The following PRKG1 variants were observed in gnomAD, a reference collection of about 807,000 sequenced individuals.
PRKG1 encodes the protein cGMP-dependent protein kinase 1.
A neutral mutation model predicts 88.1 loss-of-function variants in PRKG1; 35 were observed. The observed-to-expected ratio is 0.40, with a 90% CI of 0.30 to 0.53. The LOEUF is 0.53. Ranked by LOEUF, PRKG1 falls within the 20% of genes least tolerant of loss-of-function variation. The pLI is 0.59. For synonymous variants in PRKG1, 303 were observed against 292.5 expected, an observed-to-expected ratio of 1.04 and a Z score of -0.37; for missense variants, 540 against 839.8, an observed-to-expected ratio of 0.64 and a Z score of 4.41.
chr10:51,185,296 C>T (rs148906911), intron 2 of PRKG1, among the ~76,000 whole-genome samples: 3 of 152,092 alleles, frequency 2.0e-5, no homozygotes, highest in African/African-American at 7.2e-5. Flanking sequence ...ATTAAGTCTG[C>T]AATAAGTTAT....
chr10:51,174,505 A>G (rs1837139145), intron 2 of PRKG1, among the ~76,000 whole-genome samples: 1 of 151,982 alleles, frequency 6.6e-6, no homozygotes, highest in African/African-American at 2.4e-5. Context: ...AATGTTTGAC[A>G]ATTGGCTTCG....
chr10:52,254,305 A>T (rs1194507), intron 10 of PRKG1, among the ~76,000 whole-genome samples: 1 of 151,774 alleles, frequency 6.6e-6, no homozygotes, highest in Non-Finnish European at 1.5e-5. Context: ...AATATTATAA[A>T]GTGCTATTGA....
chr10:52,127,728 G>C (rs1847962768), intron 7 of PRKG1, among the ~76,000 whole-genome samples: 1 of 152,112 alleles, frequency 6.6e-6, no homozygotes, highest in South Asian at 2.1e-4. Context: ...ACATTTATTG[G>C]TTGATTACTC....
At chr10:51,282,417 A>G (rs752814661) in intron 2 of PRKG1, among the ~76,000 whole-genome samples, 3 of 152,202 alleles carry the variant, frequency 2.0e-5, no homozygotes, top group Non-Finnish European at 4.4e-5. Context: ...CTGAAGTCTC[A>G]GGAGTAAGCA....
chr10:51,124,450 C>T (rs369275338), intron 1 of PRKG1, among the ~76,000 whole-genome samples: 1 of 151,910 alleles, frequency 6.6e-6, no homozygotes, highest in African/African-American at 2.4e-5. Flanking sequence ...TACCTATTTA[C>T]GTTGAGGAGA....
chr10:52,049,464 TA>T (rs1469261522), intron 5 of PRKG1, among the ~76,000 whole-genome samples: 1 of 152,130 alleles, frequency 6.6e-6, no homozygotes, highest in Non-Finnish European at 1.5e-5. Flanking sequence ...CAGACCACAA[TA>T]AATTGTTTAT....
At chr10:52,240,252 A>T (rs1233686276) in intron 9 of PRKG1, among the ~76,000 whole-genome samples, 2 of 152,286 alleles carry the variant, frequency 1.3e-5, no homozygotes, top group East Asian at 3.9e-4. Context: ...TGAAAATGGC[A>T]CTTATCTCTG....
At chr10:51,356,557 A>G (rs1400116774) in intron 2 of PRKG1, among the ~76,000 whole-genome samples, 2 of 151,912 alleles carry the variant, frequency 1.3e-5, no homozygotes, top group Non-Finnish European at 2.9e-5. Context: ...CTCCACTAGA[A>G]TTCTGTCTCC....
chr10:51,889,060 C>T (rs1589391340), intron 4 of PRKG1, among the ~76,000 whole-genome samples: 3 of 145,656 alleles, frequency 2.1e-5, no homozygotes, highest in African/African-American at 5.1e-5. Flanking sequence ...AACACACATT[C>T]TTTTTTTTTT....
intron 2 of PRKG1, among the ~76,000 whole-genome samples, chr10:51,401,920 C>T (rs1837750385): frequency 6.6e-6 from 1 of 152,120 alleles, no homozygotes; most frequent in East Asian, 1.9e-4. Context: ...TTTAATGTGA[C>T]AAAAATGAGT....
chr10:51,389,419 A>G (rs1837339805), intron 2 of PRKG1, among the ~76,000 whole-genome samples: 1 of 152,172 alleles, frequency 6.6e-6, no homozygotes, highest in Non-Finnish European at 1.5e-5. Context: ...TCATTCTTTT[A>G]CACTCCTCAC....
intron 1 of PRKG1, among the ~76,000 whole-genome samples, chr10:51,096,420 TTAG>T (rs1844531216): frequency 6.6e-6 from 1 of 152,170 alleles, no homozygotes; most frequent in Non-Finnish European, 1.5e-5. Flanking sequence ...AACTGGATAG[TTAG>T]TAGACCATGG....
intron 4 of PRKG1, among the ~76,000 whole-genome samples, chr10:51,840,358 G>T (rs188987241): frequency 2.0e-5 from 3 of 151,674 alleles, no homozygotes; most frequent in African/African-American, 7.3e-5. Context: ...TAGAGGTAAT[G>T]CCTTTACAAT....
intron 3 of PRKG1, among the ~76,000 whole-genome samples, chr10:51,663,303 A>T (rs898170760): frequency 6.6e-6 from 1 of 152,074 alleles, no homozygotes; most frequent in Admixed American, 6.6e-5. Flanking sequence ...GAAACTCTAA[A>T]AGAACTCACC....
At chr10:51,931,370 T>C (rs1167030899) in intron 5 of PRKG1, among the ~76,000 whole-genome samples, 1 of 152,102 alleles carries the variant, frequency 6.6e-6, no homozygotes. Flanking sequence ...TTCCAGTGCT[T>C]TGGGAGGCCA....
At chr10:52,031,714 C>T (rs936930316) in intron 5 of PRKG1, among the ~76,000 whole-genome samples, 1 of 152,096 alleles carries the variant, frequency 6.6e-6, no homozygotes, top group African/African-American at 2.4e-5. Flanking sequence ...AATATATGGA[C>T]TCTGTTCTAA....
chr10:52,134,411 T>C lies in PRKG1; in HGVS notation c.1001+506T>C, dbSNP rs139100404. Among the ~76,000 whole-genome samples, 492 of 152,228 alleles carry C rather than the reference T, an allele frequency of 3.2e-3. 3 individuals are homozygous for C. The highest frequency in any genetic ancestry group is 0.011 in the African/African-American group (443 of 41,534). Reference sequence around the variant, plus strand: ...TTGAAGAAATAATCAGTTCTAGACATAGGCATATATTTAAGGCCATTAAAA... The same window carrying C: ...TTGAAGAAATAATCAGTTCTAGACACAGGCATATATTTAAGGCCATTAAAA... On this transcript the variant is annotated intron_variant, in intron 8 of 17. Transcript: ENST00000373980.
intron 9 of PRKG1, among the ~76,000 whole-genome samples, chr10:52,174,639 T>C (rs895496841): frequency 2.0e-4 from 30 of 152,048 alleles, no homozygotes; most frequent in African/African-American, 6.8e-4. Flanking sequence ...CTATTGCTCA[T>C]GTTTTTGGCT....
chr10:52,207,548 C>T (rs556665989), intron 9 of PRKG1, among the ~76,000 whole-genome samples: 39 of 152,254 alleles, frequency 2.6e-4, no homozygotes, highest in African/African-American at 8.9e-4. Flanking sequence ...GGGTGATAAG[C>T]GTCCCTGGCT....
Sources: gnomAD v4.1 joint callset for allele counts (sites outside exome capture counted in the v4.1 genomes callset) on GRCh38, gnomAD v4.1.1 for gene constraint, MANE v1.5 for transcripts, NCBI Gene and HGNC (gene_info 2026-07-23, HGNC 2026-07-21) for gene names.